NEXMIF: variants seen among roughly 807,000 people sequenced by gnomAD.
NEXMIF encodes the protein neurite extension and migration factor.
A neutral mutation model predicts 62.1 loss-of-function variants in NEXMIF; 8 were observed. The ratio of observed to expected loss-of-function variants is 0.13; its 90% confidence interval spans 0.08 to 0.23. The LOEUF is 0.23. Ranked by LOEUF, NEXMIF falls within the 10% of genes least tolerant of loss-of-function variation. NEXMIF has a pLI of 1.00. For synonymous variants in NEXMIF, 404 were observed against 416.6 expected (o/e 0.97, Z 0.37); for missense variants, 976 against 1,113.3 (o/e 0.88, Z 1.75).
At chrX:74,801,480 C>A (rs1283693205) in intron 1 of NEXMIF, among the ~76,000 whole-genome samples, 1 of 111,480 alleles carries the variant, frequency 9.0e-6, no homozygotes, top group Non-Finnish European at 1.9e-5. Context: ...TCTAGAAGGC[C>A]AGAAGGGAAA....
At chrX:74,796,216 T>C (rs2080309273) in intron 1 of NEXMIF, among the ~76,000 whole-genome samples, 1 of 70,469 alleles carries the variant, frequency 1.4e-5, no homozygotes, top group Non-Finnish European at 2.5e-5. Context: ...ATATTATATA[T>C]ATATACATAT....
chrX:74,742,192 G>T lies in NEXMIF; in HGVS notation c.2365C>A (p.Pro789Thr). ...AKAAKSSTFL[P>T]TTCSSEMPLS... ...GGCATTTCAGAAGAGCATGTCGTTGGTAGAAAAGTGGAACTCTTAGCAGCC... is the reference window on the plus strand; with the variant it reads ...GGCATTTCAGAAGAGCATGTCGTTGTTAGAAAAGTGGAACTCTTAGCAGCC... Residue 789 changes from proline (P) to threonine (T), a missense_variant, in exon 3 of 4, where the codon CCA (proline) becomes ACA (threonine). Pro to Thr is a conservative substitution (Grantham distance 38). Around this residue, in one of 5 missense-constraint regions of NEXMIF, gnomAD observed 639 missense variants for 694.5 expected, o/e 0.92. Transcript: ENST00000055682. The T allele has an allele frequency of 8.3e-7, 1 of 1,211,462 alleles. No homozygotes were observed. Among genetic ancestry groups the T allele is most frequent in the South Asian group, 1.8e-5 (1 of 56,966 alleles).
chrX:74,848,273 C>G (rs766410284), intron 1 of NEXMIF, among the ~76,000 whole-genome samples: 1 of 112,439 alleles, frequency 8.9e-6, no homozygotes, highest in Non-Finnish European at 1.9e-5. Context: ...GAATTTCAAG[C>G]TAGCTGGCAA....
At chrX:74,790,927 G>C (rs1314455417) in intron 1 of NEXMIF, among the ~76,000 whole-genome samples, 1 of 110,332 alleles carries the variant, frequency 9.1e-6, no homozygotes, top group Non-Finnish European at 1.9e-5. Flanking sequence ...TGCAAACAGG[G>C]ACAATTTGAG....
At chrX:74,851,497 A>T (rs1205744703) in intron 1 of NEXMIF, among the ~76,000 whole-genome samples, 1 of 111,272 alleles carries the variant, frequency 9.0e-6, no homozygotes, top group Admixed American at 9.5e-5. Context: ...CTAGCCACTT[A>T]TAAGGGAACC....
At chrX:74,872,983 T>A (rs181159113) in intron 1 of NEXMIF, among the ~76,000 whole-genome samples, 40 of 110,546 alleles carry the variant, frequency 3.6e-4, no homozygotes, top group South Asian at 1.1e-3. Context: ...GGTTTTTTTT[T>A]AATTAATTAA....
chrX:74,846,687 G>A (rs1261292635), intron 1 of NEXMIF, among the ~76,000 whole-genome samples: 1 of 111,933 alleles, frequency 8.9e-6, no homozygotes, highest in Non-Finnish European at 1.9e-5. Context: ...AGAGTTTGAA[G>A]GAAGCACATT....
intron 1 of NEXMIF, among the ~76,000 whole-genome samples, chrX:74,770,926 C>A (rs1297233753): frequency 1.8e-5 from 2 of 111,498 alleles, no homozygotes; most frequent in Admixed American, 1.9e-4. Flanking sequence ...TTTTAATCAT[C>A]AAAGATTAAA....
chrX:74,812,721 T>C (rs2080364335), intron 1 of NEXMIF, among the ~76,000 whole-genome samples: 1 of 111,567 alleles, frequency 9.0e-6, no homozygotes, highest in Non-Finnish European at 1.9e-5. Flanking sequence ...AAGAAGATGA[T>C]ATTAGAGAAA....
chrX:74,793,184 C>T (rs1416682184), intron 1 of NEXMIF, among the ~76,000 whole-genome samples: 1 of 110,743 alleles, frequency 9.0e-6, no homozygotes, highest in Non-Finnish European at 1.9e-5. Context: ...GTGACAAAAT[C>T]TCTCAGCATT....
intron 1 of NEXMIF, among the ~76,000 whole-genome samples, chrX:74,877,627 C>A (rs1187581706): frequency 6.4e-4 from 71 of 111,563 alleles, no homozygotes; most frequent in Non-Finnish European, 1.1e-3. Context: ...TTCAGGTACA[C>A]CAATCAGACG....
intron 1 of NEXMIF, among the ~76,000 whole-genome samples, chrX:74,911,673 T>C (rs1276870030): frequency 1.8e-5 from 2 of 112,549 alleles, no homozygotes; most frequent in Admixed American, 9.4e-5. Flanking sequence ...TGAGTGTGTA[T>C]TTTTGTTTCA....
chrX:74,853,377 TG>T (rs1196945549), intron 1 of NEXMIF, among the ~76,000 whole-genome samples: 30 of 107,868 alleles, frequency 2.8e-4, no homozygotes, highest in African/African-American at 1.0e-3. Context: ...ATTATGCAAA[TG>T]CGGCCTCCAC....
chrX:74,872,601 T>C (rs1449082459), intron 1 of NEXMIF, among the ~76,000 whole-genome samples: 2 of 109,524 alleles, frequency 1.8e-5, no homozygotes, highest in Admixed American at 9.8e-5. Flanking sequence ...TGTAGTAAAT[T>C]ATGTTTTACT....
In NEXMIF at chrX:74,736,163, C is replaced by T. The variant is rs2080084449; in HGVS notation, c.*3242G>A. On this transcript the variant is annotated 3_prime_UTR_variant, in exon 4 of 4. Coordinates refer to ENST00000055682, the MANE Select transcript of NEXMIF (RefSeq NM_001008537.3). ...CCATGTAACACAACTGTCCTTGTAC[C>T]CCTACTCTATAAAAATTAAAAAAAA... 1 of 110,461 alleles carries T rather than the reference C, an allele frequency of 9.1e-6. No individual in the cohort carries two copies. Among genetic ancestry groups the T allele is most frequent in the Admixed American group, 9.7e-5 (1 of 10,307 alleles). 9.1% of individuals were successfully genotyped at this position (110,461 alleles called of 1,213,427 possible).
At chrX:74,831,114 C>T (rs2080435198) in intron 1 of NEXMIF, among the ~76,000 whole-genome samples, 1 of 110,914 alleles carries the variant, frequency 9.0e-6, no homozygotes, top group South Asian at 3.8e-4. Context: ...TTGTTTTTTC[C>T]AATCTTGAAG....
intron 1 of NEXMIF, among the ~76,000 whole-genome samples, chrX:74,764,843 T>C (rs2080189885): frequency 8.9e-6 from 1 of 111,927 alleles, no homozygotes; most frequent in South Asian, 3.7e-4. Flanking sequence ...TTATGTCTGA[T>C]TGTGTGGTTG....
chrX:74,755,239 T>C (rs763275130), intron 1 of NEXMIF, among the ~76,000 whole-genome samples: 3 of 112,081 alleles, frequency 2.7e-5, no homozygotes, highest in African/African-American at 9.7e-5. Context: ...TGGGTGTGGA[T>C]GTATGTTAAG....
intron 1 of NEXMIF, among the ~76,000 whole-genome samples, chrX:74,791,167 T>C (rs1342664369): frequency 9.0e-6 from 1 of 111,660 alleles, no homozygotes; most frequent in African/African-American, 3.3e-5. Context: ...ACCTAATTTA[T>C]TGAGAGTTTT....
Sources: gnomAD v4.1 joint callset for allele counts (sites outside exome capture counted in the v4.1 genomes callset) on GRCh38, gnomAD v4.1.1 for gene constraint, gnomAD v4.1.1 regional missense constraint, MANE v1.5 for transcripts, NCBI Gene and HGNC (gene_info 2026-07-23, HGNC 2026-07-21) for gene names.